The following TLN2 variants were observed in gnomAD, a reference collection of about 807,000 sequenced individuals.
TLN2 encodes talin-2.
TLN2 carries 118 observed loss-of-function variants against 294.7 expected under a neutral mutation model. The ratio of observed to expected loss-of-function variants is 0.40; its 90% CI spans 0.34 to 0.47. The LOEUF is 0.47. Among genes scored for constraint, TLN2 ranks in the 20% least tolerant of loss-of-function variants. TLN2 has a pLI of 0.84. For missense variants in TLN2, 3,083 were observed against 3,282.2 expected (o/e 0.94, Z 1.48); for synonymous variants, 1,431 against 1,304.5 (o/e 1.10, Z -2.09).
rs1020487218 is a variant in TLN2, at chr15:62,455,239, A to G, written c.-238+64554A>G. Among the ~76,000 whole-genome samples, 3 of 151,758 alleles carry G rather than the reference A, an allele frequency of 2.0e-5. No individual in the cohort carries two copies. The East Asian group carries it at 5.8e-4, about 30-fold the overall frequency. On this transcript the variant is annotated intron_variant, in intron 1 of 58. Transcript: ENST00000636159. ...CTGCAGGAGTGTGTAGGTCAGCAAT[A>G]TTGCAGTTTCCAGGTGAGGAGAGAG...
chr15:62,688,810 T>C (rs2057518464), intron 12 of TLN2, among the ~76,000 whole-genome samples: 1 of 152,150 alleles, frequency 6.6e-6, no homozygotes, highest in Non-Finnish European at 1.5e-5. Context: ...AATGTTGACA[T>C]AGCCACCAAT....
chr15:62,701,464 G>A (rs1344154488), intron 17 of TLN2, among the ~76,000 whole-genome samples: 3 of 152,070 alleles, frequency 2.0e-5, no homozygotes, highest in Admixed American at 1.3e-4. Flanking sequence ...ATCTTCTCAC[G>A]GCTTGTCAGT....
chr15:62,466,488 T>G (rs1250387258), intron 1 of TLN2, among the ~76,000 whole-genome samples: 2 of 152,196 alleles, frequency 1.3e-5, no homozygotes, highest in Non-Finnish European at 2.9e-5. Context: ...CTTTCAGGTG[T>G]GACAGCCAAA....
chr15:62,660,540 G>A lies in TLN2; in HGVS notation c.788+2642G>A, dbSNP rs149430621. 4.4e-3 allele frequency among the ~76,000 whole-genome samples: 670 copies of A among 152,294 alleles called. 6 individuals carry two copies. The highest frequency in any genetic ancestry group is 0.015 in the African/African-American group (636 of 41,564). The stretch of plus-strand genomic sequence containing the variant: ...GTTTTCCTCAGGTCACCTTCAAAGG[G>A]TCCTAAGAAGGGACATTTTATTGGT... On this transcript the variant is annotated intron_variant, in intron 9 of 58. Transcript: ENST00000636159.
At chr15:62,696,992 T>C (rs2058385282) in intron 14 of TLN2, among the ~76,000 whole-genome samples, 1 of 152,220 alleles carries the variant, frequency 6.6e-6, no homozygotes, top group Non-Finnish European at 1.5e-5. Flanking sequence ...TGGCACAAGG[T>C]TGATACTTGT....
chr15:62,765,597 A>T (rs2062948994), intron 40 of TLN2, among the ~76,000 whole-genome samples: 1 of 152,134 alleles, frequency 6.6e-6, no homozygotes, highest in African/African-American at 2.4e-5. Context: ...CTACAGAGGG[A>T]TCTGATCTTT....
At chr15:62,646,279 C>T (rs189557739) in intron 3 of TLN2, among the ~76,000 whole-genome samples, 207 of 152,200 alleles carry the variant, frequency 1.4e-3, no homozygotes, top group Middle Eastern at 3.4e-3. Flanking sequence ...TCTCCTGTCT[C>T]AGCCTCCCGA....
intron 1 of TLN2, among the ~76,000 whole-genome samples, chr15:62,562,906 TCACACACACACACACA>T (rs61578830): frequency 0.036 from 3,528 of 99,284 alleles, 73 homozygotes; most frequent in African/African-American, 0.047. Flanking sequence ...TAGTATTCCA[TCACACACACACACACA>T]CACACACACA....
chr15:62,414,782 G>T (rs2033981631), intron 1 of TLN2, among the ~76,000 whole-genome samples: 2 of 141,246 alleles, frequency 1.4e-5, no homozygotes, highest in Non-Finnish European at 3.0e-5. Flanking sequence ...CAGCTCCAAG[G>T]TCTGGCTGGA....
At chr15:62,423,358 G>C (rs2034522817) in intron 1 of TLN2, among the ~76,000 whole-genome samples, 1 of 152,096 alleles carries the variant, frequency 6.6e-6, no homozygotes, top group Non-Finnish European at 1.5e-5. Flanking sequence ...GTGATAGAGT[G>C]AGACCCTTTT....
At chr15:62,479,463 A>T (rs138996428) in intron 1 of TLN2, among the ~76,000 whole-genome samples, 136 of 152,212 alleles carry the variant, frequency 8.9e-4, no homozygotes, top group African/African-American at 3.2e-3. Context: ...TGTCTGAAGC[A>T]GACTTCTTTG....
intron 31 of TLN2, 61 bp downstream of exon 31, chr15:62,739,606 A>G (rs983954425): frequency 5.7e-6 from 9 of 1,584,846 alleles, no homozygotes; most frequent in Non-Finnish European, 7.8e-6. Context: ...TGGATAATCC[A>G]TCCTTGAGAC....
At position 62,692,828 on chromosome 15, in the gene TLN2, C is replaced by G; in HGVS notation, c.1114-12C>G. ...TGATTTGGCTATATTTCCTCCATTG[C>G]TGTCTTTTCAGGATTTTGGGGAGTA... On this transcript the variant is annotated splice_polypyrimidine_tract_variant and intron_variant, in intron 12 of 58. Transcript: ENST00000636159. 1.2e-6 allele frequency: 2 copies of G among 1,609,196 alleles called. No individual in the cohort carries two copies. Among genetic ancestry groups the G allele is most frequent in the Non-Finnish European group, 1.7e-6 (2 of 1,176,522 alleles).
At chr15:62,425,580 G>A (rs1277267389) in intron 1 of TLN2, among the ~76,000 whole-genome samples, 1 of 152,192 alleles carries the variant, frequency 6.6e-6, no homozygotes, top group Non-Finnish European at 1.5e-5. Flanking sequence ...TGGGAGAATT[G>A]TATCAGCTTT....
chr15:62,731,005 A>C (rs961631740), intron 28 of TLN2, among the ~76,000 whole-genome samples: 1 of 152,106 alleles, frequency 6.6e-6, no homozygotes, highest in Non-Finnish European at 1.5e-5. Context: ...TTCATGCTTT[A>C]ATCTCAGTAT....
chr15:62,543,440 T>A (rs553320236), intron 1 of TLN2, among the ~76,000 whole-genome samples: 49 of 152,156 alleles, frequency 3.2e-4, no homozygotes, highest in African/African-American at 1.2e-3. Context: ...GAGACAGGAA[T>A]GAAAAATGAT....
At chr15:62,522,728 T>G (rs997648441) in intron 1 of TLN2, among the ~76,000 whole-genome samples, 10 of 152,302 alleles carry the variant, frequency 6.6e-5, no homozygotes, top group African/African-American at 2.4e-4. Flanking sequence ...GTTGTATTTT[T>G]TTCTGCCCTG....
Position 62,649,896 on chromosome 15 carries a change from C to A in TLN2, c.137-188C>A, listed in dbSNP as rs549589105. 1.3e-5 allele frequency: 7 copies of A among 549,842 alleles called. No homozygotes were observed. In the Admixed American group the frequency reaches 2.1e-4, roughly 17 times the overall value. 34.1% of individuals were successfully genotyped at this position (549,842 alleles called of 1,614,324 possible). A position where few individuals can be genotyped will look rare whatever the true frequency, so the allele number is the denominator to read the frequency against. On this transcript the variant is annotated intron_variant, in intron 4 of 58. Transcript: ENST00000636159. ...ACCTTATTTGTGGGTGTTGCTTCTGCAACTCAACTCTTACTCCTCCAGATC... is the reference window on the plus strand; with the variant it reads ...ACCTTATTTGTGGGTGTTGCTTCTGAAACTCAACTCTTACTCCTCCAGATC...
chr15:62,794,364 C>T (rs2065308464), intron 46 of TLN2, among the ~76,000 whole-genome samples: 2 of 152,184 alleles, frequency 1.3e-5, no homozygotes, highest in South Asian at 2.1e-4. Context: ...CCACACACAG[C>T]CATGACTTGT....
Sources: gnomAD v4.1 joint callset for allele counts (sites outside exome capture counted in the v4.1 genomes callset) on GRCh38, gnomAD v4.1.1 for gene constraint, MANE v1.5 for transcripts, NCBI Gene and HGNC (gene_info 2026-07-23, HGNC 2026-07-21) for gene names.